FAT1: variants seen among roughly 807,000 people sequenced by gnomAD.
The protein encoded by FAT1 is FAT atypical cadherin 1.
Under a neutral mutation model 329.8 loss-of-function variants are expected in FAT1, and 171 were observed. The observed-to-expected ratio is 0.52, with a 90% confidence interval of 0.46 to 0.59. The LOEUF is 0.59. FAT1 is among the 20% of genes least tolerant of loss of function. FAT1 has a pLI of 0.00. For synonymous variants in FAT1, 2,233 were observed against 2,228.6 expected, an observed-to-expected ratio of 1.00 and a Z score of -0.06; for missense variants, 5,672 against 5,774.4, an observed-to-expected ratio of 0.98 and a Z score of 0.57.
Position 186,596,411 on chromosome 4 carries a change from C to T in FAT1, c.13000+129G>A, listed in dbSNP as rs1738512773. On this transcript the variant is annotated intron_variant, in intron 25 of 26. Transcript: ENST00000441802. This position sits in a 1 kb window ranked among gnomAD's most constrained non-coding sequence, Gnocchi z 4.7. ...CGGGACATCCAAAAAAGTTTCAAATCATCATACGGATTTCAGTCTGAGCAT... is the reference window on the plus strand; with the variant it reads ...CGGGACATCCAAAAAAGTTTCAAATTATCATACGGATTTCAGTCTGAGCAT... 1 of 1,069,782 alleles carries T rather than the reference C, an allele frequency of 9.3e-7. No individual in the cohort carries two copies. Among genetic ancestry groups the T allele is most frequent in the African/African-American group, 1.6e-5 (1 of 62,612 alleles). 66.3% of individuals were successfully genotyped at this position (1,069,782 alleles called of 1,614,324 possible).
chr4:186,664,979 A>C (rs2126621744), intron 2 of FAT1, among the ~76,000 whole-genome samples: 1 of 152,346 alleles, frequency 6.6e-6, no homozygotes, highest in South Asian at 2.1e-4. Flanking sequence ...ATTAAATATT[A>C]ACTTATTCGA....
chr4:186,674,850 A>G (rs960743613), intron 2 of FAT1, among the ~76,000 whole-genome samples: 16 of 152,088 alleles, frequency 1.1e-4, no homozygotes, highest in African/African-American at 3.9e-4. Flanking sequence ...CCTGGACAAC[A>G]TGGCGAAACC....
Position 186,621,689 on chromosome 4 carries a change from A to G in FAT1, c.4897T>C (p.Tyr1633His). ...TCTGTAGCTTTTACCATTAAATCAT[A>G]CTCCGCTTGGTTACTTCGATCTAAT... ...KELDRSNQAE[Y>H]DLMVKATDKG... Residue 1633 changes from tyrosine to histidine, a missense_variant, in exon 10 of 27, where the codon TAT (tyrosine) becomes CAT (histidine). Coordinates refer to ENST00000441802, the MANE Select transcript of FAT1 (RefSeq NM_005245.4). 3 of 1,613,740 alleles carry G rather than the reference A, an allele frequency of 1.9e-6. No homozygotes were observed. Among genetic ancestry groups the G allele is most frequent in the Non-Finnish European group, 1.7e-6 (2 of 1,179,826 alleles).
chr4:186,677,146 C>T (rs977374013), intron 2 of FAT1, among the ~76,000 whole-genome samples: 9 of 152,286 alleles, frequency 5.9e-5, no homozygotes, highest in South Asian at 2.1e-4. Flanking sequence ...TAATTCAAAT[C>T]TTTAAACTTT....
chr4:186,604,767 C>A (rs889129519), intron 17 of FAT1, among the ~76,000 whole-genome samples, 193 bp from the exon 18 acceptor site: 1 of 137,878 alleles, frequency 7.3e-6, no homozygotes, highest in African/African-American at 2.6e-5. Flanking sequence ...AGGGGTGTAG[C>A]GAAAAGGGAA....
intron 2 of FAT1, among the ~76,000 whole-genome samples, chr4:186,681,914 T>C (rs1743225455): frequency 6.6e-6 from 1 of 152,214 alleles, no homozygotes; most frequent in South Asian, 2.1e-4. Flanking sequence ...TCCCCACTTA[T>C]TTTCGTTACA....
chr4:186,717,524 T>C (rs1473400549), intron 1 of FAT1, among the ~76,000 whole-genome samples: 2 of 152,234 alleles, frequency 1.3e-5, no homozygotes, highest in Non-Finnish European at 2.9e-5. Flanking sequence ...TTACTGACAA[T>C]GACAGTGTGG....
chr4:186,628,132 C>G (rs755086461), intron 9 of FAT1, 22 bp downstream of exon 9: 1 of 1,608,416 alleles, frequency 6.2e-7, no homozygotes, highest in Non-Finnish European at 8.5e-7. Context: ...ATTTAAAATG[C>G]CACTGAAGGC....
Position 186,645,962 on chromosome 4 carries a change from AATAT to A in FAT1, c.3581-6183_3581-6180del, listed in dbSNP as rs1553993243. ...CTGTCTCACAAAAAAAAAAAAAAAA[AATAT>A]ATACACACACACACACACACACACA... On this transcript the variant is annotated intron_variant, in intron 3 of 26. Coordinates refer to ENST00000441802, the MANE Select transcript of FAT1 (RefSeq NM_005245.4). 7.4e-5 allele frequency among the ~76,000 whole-genome samples: 7 copies of A among 94,524 alleles called. 1 individual carries two copies. The highest frequency in any genetic ancestry group is 6.2e-5 in the Non-Finnish European group (3 of 48,162). The allele number at this position is 94,524 out of a possible 152,430, so 62.0% of individuals were successfully genotyped here.
In FAT1 at chr4:186,628,803, T is replaced by C. The variant is rs764780358; in HGVS notation, c.4324-40A>G. 2.5e-6 allele frequency: 4 copies of C among 1,572,062 alleles called. No homozygotes were observed. In the African/African-American group the frequency reaches 5.4e-5, roughly 21 times the overall value. ...AAAATGACTCATACAATATTTCCAA[T>C]TATGAATGTTTTAATACTTAAAGAA... On this transcript the variant is annotated intron_variant, in intron 7 of 26. Transcript: ENST00000441802.
intron 10 of FAT1, among the ~76,000 whole-genome samples, chr4:186,617,450 T>C (rs1739767148): frequency 2.0e-5 from 3 of 152,196 alleles, no homozygotes; most frequent in Admixed American, 6.5e-5. Context: ...TTTAATTATA[T>C]TTATTATACA....
chr4:186,726,282 C>G (rs1224268763), upstream of FAT1: 1 of 152,314 alleles, frequency 6.6e-6, no homozygotes, highest in Non-Finnish European at 1.5e-5. Flanking sequence ...TAGAGCCACA[C>G]ACCCCACGTA....
At chr4:186,610,747 A>C (rs1739410057) in intron 14 of FAT1, among the ~76,000 whole-genome samples, 1 of 143,822 alleles carries the variant, frequency 7.0e-6, no homozygotes, top group Non-Finnish European at 1.5e-5. Context: ...TATATAATTT[A>C]TATAAATATA....
intron 3 of FAT1, among the ~76,000 whole-genome samples, chr4:186,650,093 A>G (rs184567074): frequency 6.6e-6 from 1 of 152,304 alleles, no homozygotes; most frequent in East Asian, 1.9e-4. Flanking sequence ...GGATTAAACA[A>G]GTAACTCAGC....
chr4:186,699,768 G>C (rs757876240), intron 2 of FAT1, among the ~76,000 whole-genome samples: 1 of 149,018 alleles, frequency 6.7e-6, no homozygotes, highest in Non-Finnish European at 1.5e-5. Context: ...AAATAAAAAC[G>C]TGACAAATCC....
rs962302614 is a variant in FAT1 at position 186,654,247 on chromosome 4, C to T, written c.3580+9052G>A. 9.8e-5 allele frequency among the ~76,000 whole-genome samples: 15 copies of T among 152,310 alleles called. No homozygotes were observed. In the East Asian group the frequency reaches 2.9e-3, roughly 29 times the overall value. On this transcript the variant is annotated intron_variant, in intron 3 of 26. Coordinates refer to ENST00000441802, the MANE Select transcript of FAT1 (RefSeq NM_005245.4). ...ATTGGTATCTGTAGTCACCATCTCA[C>T]AGGGCTCTTGTAAAGATGAAGTCTG... is the stretch of plus-strand genomic sequence containing the variant.
chr4:186,689,136 C>T (rs922638154), intron 2 of FAT1, among the ~76,000 whole-genome samples: 10 of 152,170 alleles, frequency 6.6e-5, no homozygotes, highest in African/African-American at 2.4e-4. Flanking sequence ...ATAAAGATTT[C>T]ACTTCACTTG....
At position 186,708,002 on chromosome 4, in the gene FAT1, C is replaced by T. The variant is rs769920350; in HGVS notation, c.1826G>A (p.Gly609Glu). The change falls in exon 2 of 27, where the codon GGA (glycine) becomes GAA (glutamate). Residue 609 changes from glycine (G) to glutamate (E), a missense_variant. This residue lies in a region of FAT1 where 3,966 missense variants were observed against 3,915.2 expected (regional missense o/e 1.01). Transcript: ENST00000441802. Reference protein sequence around the residue: ...LQLVQYQIEAGNELDFFSLNP... With the variant: ...LQLVQYQIEAENELDFFSLNP... ...TAAACTAAAGAAATCCAGTTCATTT[C>T]CAGCTTCAATCTGATACTGTACCAA... 1.2e-6 allele frequency: 2 copies of T among 1,613,906 alleles called. No homozygotes were observed. The highest frequency in any genetic ancestry group is 3.3e-5 in the Admixed American group (2 of 60,020).
At chr4:186,688,247 C>A (rs143456017) in intron 2 of FAT1, among the ~76,000 whole-genome samples, 3 of 152,166 alleles carry the variant, frequency 2.0e-5, no homozygotes, top group African/African-American at 4.8e-5. Flanking sequence ...GAGGCACCCA[C>A]AGAGATATGG....
Sources: gnomAD v4.1 joint callset for allele counts (sites outside exome capture counted in the v4.1 genomes callset) on GRCh38, gnomAD v4.1.1 for gene constraint, gnomAD v4.1.1 regional missense constraint, Gnocchi (gnomAD v3.1) non-coding constraint, MANE v1.5 for transcripts, NCBI Gene and HGNC (gene_info 2026-07-23, HGNC 2026-07-21) for gene names.